Variants in DPYD observed in about 807,000 individuals in gnomAD.
DPYD encodes dihydropyrimidine dehydrogenase, also known as dihydropyrimidine dehydrogenase [NADP(+)].
In DPYD, 109 loss-of-function variants were observed where a neutral mutation model predicts 116.2. The ratio of observed to expected loss-of-function variants is 0.94; its 90% CI spans 0.80 to 1.10. The LOEUF (loss-of-function observed/expected upper bound fraction) is 1.10. Ranked by LOEUF, DPYD falls within the 50% of genes least tolerant of loss-of-function variation. The pLI is 0.00. For synonymous variants in DPYD, 440 were observed against 432.0 expected (o/e 1.02, Z -0.23); for missense variants, 1,302 against 1,254.5 (o/e 1.04, Z -0.57).
At chr1:97,858,507 A>G (rs1182398603) in intron 2 of DPYD, among the ~76,000 whole-genome samples, 1 of 152,164 alleles carries the variant, frequency 6.6e-6, no homozygotes, top group Non-Finnish European at 1.5e-5. Flanking sequence ...TTCTACTTCC[A>G]GATATTATAA....
chr1:97,398,013 G>C (rs1570665925), intron 14 of DPYD, among the ~76,000 whole-genome samples: 1 of 151,886 alleles, frequency 6.6e-6, no homozygotes, highest in African/African-American at 2.4e-5. Flanking sequence ...TGTTACATAT[G>C]TATACATGTG....
intron 12 of DPYD, among the ~76,000 whole-genome samples, chr1:97,519,056 T>G (rs1648449263): frequency 6.6e-6 from 1 of 152,166 alleles, no homozygotes; most frequent in South Asian, 2.1e-4. Flanking sequence ...TTTTGCTTAT[T>G]ATAATTTTCA....
intron 16 of DPYD, among the ~76,000 whole-genome samples, chr1:97,310,862 A>C (rs956866535): frequency 1.1e-4 from 16 of 151,866 alleles, no homozygotes; most frequent in African/African-American, 3.6e-4. Flanking sequence ...ATTCATCAAT[A>C]TGTGAGTTGA....
intron 18 of DPYD, among the ~76,000 whole-genome samples, chr1:97,260,043 TC>T (rs1663776031): frequency 6.6e-6 from 1 of 152,132 alleles, no homozygotes; most frequent in Non-Finnish European, 1.5e-5. Context: ...AGTGATTAGT[TC>T]CAGAAATATA....
chr1:97,881,869 G>A (rs964094012), intron 2 of DPYD, among the ~76,000 whole-genome samples: 10 of 151,620 alleles, frequency 6.6e-5, no homozygotes, highest in Non-Finnish European at 1.5e-4. Flanking sequence ...TGTGGGGTGG[G>A]GGGTGGAGGG....
At chr1:97,674,448 C>T (rs1660033400) in intron 8 of DPYD, among the ~76,000 whole-genome samples, 1 of 152,110 alleles carries the variant, frequency 6.6e-6, no homozygotes, top group African/African-American at 2.4e-5. Context: ...ATGTGTCTTA[C>T]TGGATGTTCT....
intron 19 of DPYD, among the ~76,000 whole-genome samples, chr1:97,199,529 G>A (rs1659058566): frequency 1.3e-5 from 2 of 151,854 alleles, no homozygotes; most frequent in African/African-American, 4.8e-5. Flanking sequence ...AATCATTAGG[G>A]CATGAATTAG....
chr1:97,452,414 G>A (rs1399899904), intron 13 of DPYD, among the ~76,000 whole-genome samples: 1 of 152,134 alleles, frequency 6.6e-6, no homozygotes, highest in African/African-American at 2.4e-5. Flanking sequence ...TATCTTCAAT[G>A]AGTCTAGACT....
chr1:97,708,769 C>T (rs1287731125), intron 5 of DPYD, among the ~76,000 whole-genome samples: 1 of 151,826 alleles, frequency 6.6e-6, no homozygotes, highest in African/African-American at 2.4e-5. Flanking sequence ...TATTTGGAAA[C>T]CCGGAATATG....
intron 18 of DPYD, among the ~76,000 whole-genome samples, chr1:97,268,744 C>T (rs1262331159): frequency 5.3e-5 from 8 of 152,112 alleles, no homozygotes; most frequent in Admixed American, 5.2e-4. Flanking sequence ...TGTCTAGAAA[C>T]CCTGCCTTCA....
chr1:97,753,103 G>A (rs1249984916), intron 3 of DPYD, among the ~76,000 whole-genome samples: 1 of 151,992 alleles, frequency 6.6e-6, no homozygotes, highest in Non-Finnish European at 1.5e-5. Flanking sequence ...GCACTGTTCT[G>A]TGTGTTTTAT....
At chr1:97,854,196 G>C (rs1670706386) in intron 2 of DPYD, among the ~76,000 whole-genome samples, 1 of 152,150 alleles carries the variant, frequency 6.6e-6, no homozygotes, top group Non-Finnish European at 1.5e-5. Flanking sequence ...AGCAAAGACA[G>C]AGATGTGCAA....
intron 20 of DPYD, among the ~76,000 whole-genome samples, chr1:97,171,975 CACTAAA>C (rs1446831216): frequency 1.9e-4 from 29 of 152,232 alleles, no homozygotes; most frequent in African/African-American, 6.5e-4. Context: ...AGATAAAGCT[CACTAAA>C]ACAAAGGGAT....
In DPYD at chr1:97,582,137, C is replaced by A. The variant is rs141409941; in HGVS notation, c.1129-8167G>T. ...TCACTATAAAGAGTAATGCAAGTTA[C>A]ATAACTATCTGAGTATAAATTAGAT... On this transcript the variant is annotated intron_variant, in intron 10 of 22. Transcript: ENST00000370192. Among the ~76,000 whole-genome samples, 379 of 152,264 alleles carry A rather than the reference C, an allele frequency of 2.5e-3. 2 individuals carry two copies. Among genetic ancestry groups the A allele is most frequent in the African/African-American group, 8.6e-3 (357 of 41,560 alleles).
intron 11 of DPYD, among the ~76,000 whole-genome samples, chr1:97,562,766 C>G (rs1652242499): frequency 6.6e-6 from 1 of 151,984 alleles, no homozygotes; most frequent in Admixed American, 6.6e-5. Flanking sequence ...TTGCCCAGGC[C>G]AGAGTGCAGT....
At chr1:97,724,129 G>T (rs892140651) in intron 4 of DPYD, among the ~76,000 whole-genome samples, 2 of 151,462 alleles carry the variant, frequency 1.3e-5, no homozygotes, top group Non-Finnish European at 3.0e-5. Context: ...CAAATAGAAA[G>T]AAACTTCAAC....
chr1:97,157,876 T>G (rs1655590949), intron 20 of DPYD, among the ~76,000 whole-genome samples: 1 of 152,154 alleles, frequency 6.6e-6, no homozygotes, highest in African/African-American at 2.4e-5. Flanking sequence ...AGATGTGGCT[T>G]GATTTCAGGT....
At chr1:97,122,120 AT>A (rs1056855626) in intron 20 of DPYD, among the ~76,000 whole-genome samples, 1 of 152,186 alleles carries the variant, frequency 6.6e-6, no homozygotes, top group Non-Finnish European at 1.5e-5. Flanking sequence ...AGCAGAATGC[AT>A]TTGAGGAGTA....
At chr1:97,843,243 A>AT (rs1439168939) in intron 2 of DPYD, among the ~76,000 whole-genome samples, 1 of 152,154 alleles carries the variant, frequency 6.6e-6, no homozygotes, top group Non-Finnish European at 1.5e-5. Context: ...TTTTTACCAT[A>AT]ATCAACAAAA....
Sources: allele counts gnomAD v4.1 joint callset (sites outside exome capture counted in the v4.1 genomes callset), GRCh38; gene constraint gnomAD v4.1.1; transcripts MANE v1.5; gene names NCBI Gene and HGNC (gene_info 2026-07-23, HGNC 2026-07-21).